IMPG2: variants seen among roughly 807,000 people sequenced by gnomAD.
IMPG2 encodes IPM 200.
Under a neutral mutation model 129.2 loss-of-function variants are expected in IMPG2, and 91 were observed. The ratio of observed to expected loss-of-function variants is 0.70; its 90% CI spans 0.59 to 0.84. The LOEUF is 0.84. IMPG2 is among the 40% of genes least tolerant of loss of function. The pLI is 0.00. For missense variants in IMPG2, 1,430 were observed against 1,461.7 expected, an observed-to-expected ratio of 0.98 and a Z score of 0.35; for synonymous variants, 510 against 517.7, an observed-to-expected ratio of 0.99 and a Z score of 0.20.
At chr3:101,264,819 A>C (rs1020445544) in intron 9 of IMPG2, among the ~76,000 whole-genome samples, 2 of 152,110 alleles carry the variant, frequency 1.3e-5, no homozygotes, top group Non-Finnish European at 2.9e-5. Flanking sequence ...CCATTAAAAA[A>C]ACTCCTAGAT....
At chr3:101,264,026 C>T (rs980707041) in intron 9 of IMPG2, among the ~76,000 whole-genome samples, 5 of 151,742 alleles carry the variant, frequency 3.3e-5, no homozygotes, top group African/African-American at 9.7e-5. Flanking sequence ...ATTTAACCTA[C>T]CAAAATTGAA....
At chr3:101,299,533 C>T (rs1242782108) in intron 3 of IMPG2, among the ~76,000 whole-genome samples, 5 of 152,152 alleles carry the variant, frequency 3.3e-5, no homozygotes, top group African/African-American at 9.7e-5. Flanking sequence ...CTAAGTTTGT[C>T]TAGTATCAAT....
At chr3:101,250,661 T>C (rs1706533894) in intron 11 of IMPG2, among the ~76,000 whole-genome samples, 2 of 152,188 alleles carry the variant, frequency 1.3e-5, no homozygotes, top group Admixed American at 6.5e-5. Context: ...TACAAGTATA[T>C]ATTCCCAAGT....
intron 14 of IMPG2, among the ~76,000 whole-genome samples, chr3:101,233,622 T>C (rs952581351): frequency 1.3e-5 from 2 of 152,150 alleles, no homozygotes; most frequent in Non-Finnish European, 2.9e-5. Flanking sequence ...TTTTCATTGA[T>C]AGGGTGAGGG....
chr3:101,226,752 C>A lies in IMPG2; in HGVS notation c.*217G>T. 1.8e-6 allele frequency: 1 copy of A among 541,686 alleles called. No homozygotes were observed. Among genetic ancestry groups the A allele is most frequent in the Non-Finnish European group, 3.3e-6 (1 of 305,654 alleles). 33.6% of individuals were successfully genotyped at this position (541,686 alleles called of 1,614,324 possible). On this transcript the variant is annotated 3_prime_UTR_variant, in exon 19 of 19. Coordinates refer to ENST00000193391, the MANE Select transcript of IMPG2 (RefSeq NM_016247.4). ...TTACGTAGTTTTCAATTTATTTAAA[C>A]ACAGCATTCAGTCTTTATAGAAATA...
intron 3 of IMPG2, among the ~76,000 whole-genome samples, chr3:101,303,066 C>T: frequency 6.6e-6 from 1 of 152,172 alleles, no homozygotes; most frequent in Middle Eastern, 3.4e-3. Flanking sequence ...TTTGATTATA[C>T]ACAAAATAGC....
At chr3:101,284,048 T>C (rs1706920654) in intron 4 of IMPG2, among the ~76,000 whole-genome samples, 1 of 152,202 alleles carries the variant, frequency 6.6e-6, no homozygotes, top group Admixed American at 6.5e-5. Flanking sequence ...TCGAGATATA[T>C]TTTGAATCTA....
intron 11 of IMPG2, among the ~76,000 whole-genome samples, chr3:101,248,781 C>T (rs913619023): frequency 6.6e-6 from 1 of 152,178 alleles, no homozygotes; most frequent in Admixed American, 6.5e-5. Flanking sequence ...CATTTCCTGC[C>T]TTGTCCATGT....
Position 101,232,909 on chromosome 3 carries a change from C to T in IMPG2, c.3105G>A (p.Lys1035=). 6.2e-7 allele frequency: 1 copy of T among 1,613,966 alleles called. No individual in the cohort carries two copies. Among genetic ancestry groups the T allele is most frequent in the Admixed American group, 1.7e-5 (1 of 60,000 alleles). ...CLVNPWSGEA[K]CRCFPGYLSV... ...TCAGGTATCCAGGGAAGCATCTGCA[C>T]TTTGCTTCTCCACTCCAGGGGTTGA... is the stretch of plus-strand genomic sequence containing the variant. The change falls in exon 15 of 19, where the codon AAG becomes AAA. Residue 1035 remains lysine (K), a synonymous_variant. Transcript: ENST00000193391.
At chr3:101,232,226 T>TA (rs1015693995) in intron 15 of IMPG2, among the ~76,000 whole-genome samples, 1 of 151,262 alleles carries the variant, frequency 6.6e-6, no homozygotes, top group African/African-American at 2.4e-5. Context: ...GATTTTTATT[T>TA]TTTTTTTATT....
intron 2 of IMPG2, among the ~76,000 whole-genome samples, chr3:101,310,979 C>G (rs1576773054): frequency 6.6e-6 from 1 of 152,106 alleles, no homozygotes; most frequent in African/African-American, 2.4e-5. Context: ...ACATTTAACC[C>G]TTTTATACCT....
chr3:101,229,590 A>C lies in IMPG2; in HGVS notation c.3423T>G (p.Ser1141Arg). ...HDRSERESPF[S>R]GSSRQPDSLS... ...GGCTGTCAGGCTGCCTGCTGGAGCCACTAAAAGAAAGATATGATGGATTCA... is the reference window on the plus strand; with the variant it reads ...GGCTGTCAGGCTGCCTGCTGGAGCCCCTAAAAGAAAGATATGATGGATTCA... Residue 1141 changes from serine to arginine, a missense_variant and splice_region_variant, in exon 17 of 19, where the codon AGT becomes AGG. Transcript: ENST00000193391. 3 of 1,613,314 alleles carry C rather than the reference A, an allele frequency of 1.9e-6. No homozygotes were observed. The highest frequency in any genetic ancestry group is 2.5e-6 in the Non-Finnish European group (3 of 1,179,534).
At chr3:101,273,552 C>A (rs1289902303) in intron 7 of IMPG2, 29 bp downstream of exon 7, 1 of 1,611,112 alleles carries the variant, frequency 6.2e-7, no homozygotes. Flanking sequence ...AGGCATACTG[C>A]CTTGTTTGTT....
chr3:101,284,565 C>A (rs974769266), intron 4 of IMPG2, among the ~76,000 whole-genome samples: 6 of 150,952 alleles, frequency 4.0e-5, no homozygotes, highest in Admixed American at 6.6e-5. Context: ...ATATGAACAA[C>A]AAAAAAAAAC....
chr3:101,290,695 C>G lies in IMPG2; in HGVS notation c.533+784G>C, dbSNP rs149816416. ...TGTTTGATTTGAAACCTGGATATAC[C>G]CCACTACCACCCACATATATATTCC... On this transcript the variant is annotated intron_variant, in intron 4 of 18. Transcript: ENST00000193391. 1.1e-4 allele frequency among the ~76,000 whole-genome samples: 17 copies of G among 152,058 alleles called. No individual in the cohort carries two copies. The East Asian group carries it at 3.3e-3, about 29-fold the overall frequency.
Position 101,304,312 on chromosome 3 carries a change from A to G in IMPG2, c.335T>C (p.Val112Ala). 6.2e-7 allele frequency: 1 copy of G among 1,613,598 alleles called. No individual in the cohort carries two copies. Among genetic ancestry groups the G allele is most frequent in the African/African-American group, 1.3e-5 (1 of 75,028 alleles). The change falls in exon 3 of 19, where the codon GTG becomes GCG. Residue 112 changes from valine to alanine, a missense_variant and splice_region_variant. Coordinates refer to ENST00000193391, the MANE Select transcript of IMPG2 (RefSeq NM_016247.4). ...ANHVKYFKVR[V>A]CQEAVWEAFR... ...GGCTTCCCAGACAGCTTCCTGACAC[A>G]CTAGAAAATAGAGAGGTGTTTTTTT...
At chr3:101,271,360 A>G (rs1706781502) in intron 7 of IMPG2, among the ~76,000 whole-genome samples, 1 of 152,228 alleles carries the variant, frequency 6.6e-6, no homozygotes, top group Non-Finnish European at 1.5e-5. Flanking sequence ...ATCTTAGTGT[A>G]GGCTTTGCAA....
chr3:101,233,005 C>T lies in IMPG2; in HGVS notation c.3023-14G>A. The T allele has an allele frequency of 1.9e-6, 3 of 1,613,050 alleles. No individual in the cohort carries two copies. In the South Asian group the frequency reaches 3.3e-5, roughly 18 times the overall value. ...TGGCTTCATCACCTAAAACATTAAA[C>T]AAAGAATAATGCAAGAAAAGGCAAA... is the stretch of plus-strand genomic sequence containing the variant. On this transcript the variant is annotated splice_polypyrimidine_tract_variant and intron_variant, in intron 14 of 18. Coordinates refer to ENST00000193391, the MANE Select transcript of IMPG2 (RefSeq NM_016247.4).
At chr3:101,285,004 A>G (rs1706929917) in intron 4 of IMPG2, among the ~76,000 whole-genome samples, 1 of 152,070 alleles carries the variant, frequency 6.6e-6, no homozygotes, top group African/African-American at 2.4e-5. Flanking sequence ...TGATAGCTCC[A>G]TTTTTCTGTC....
Sources: allele counts gnomAD v4.1 joint callset (sites outside exome capture counted in the v4.1 genomes callset), GRCh38; gene constraint gnomAD v4.1.1; transcripts MANE v1.5; gene names NCBI Gene and HGNC (gene_info 2026-07-23, HGNC 2026-07-21).